LMO7: variants seen among roughly 807,000 people sequenced by gnomAD.
The protein encoded by LMO7 is LIM domain only protein 7.
LMO7 carries 120 observed loss-of-function variants against 206.5 expected under a neutral mutation model. The ratio of observed to expected loss-of-function variants is 0.58; its 90% CI spans 0.50 to 0.68. LMO7 has a LOEUF of 0.68. Ranked by LOEUF, LMO7 falls within the 30% of genes least tolerant of loss-of-function variation. LMO7 has a pLI of 0.00. For synonymous variants in LMO7, 706 were observed against 681.5 expected, an observed-to-expected ratio of 1.04 and a Z score of -0.56; for missense variants, 1,959 against 1,957.9, an observed-to-expected ratio of 1.00 and a Z score of -0.01.
intron 4 of LMO7, among the ~76,000 whole-genome samples, chr13:75,793,759 A>T (rs977833701): frequency 6.6e-6 from 1 of 152,222 alleles, no homozygotes; most frequent in Non-Finnish European, 1.5e-5. Context: ...CTGAGTAGCC[A>T]GCTTCCAGAT....
intron 2 of LMO7, among the ~76,000 whole-genome samples, chr13:75,628,897 A>T (rs989325474): frequency 6.6e-6 from 1 of 152,226 alleles, no homozygotes; most frequent in Non-Finnish European, 1.5e-5. Context: ...TGCTGCAAGA[A>T]ACTTGGGCCT....
intron 1 of LMO7, among the ~76,000 whole-genome samples, chr13:75,685,051 T>C (rs2040860620): frequency 6.6e-6 from 1 of 152,234 alleles, no homozygotes; most frequent in East Asian, 1.9e-4. Context: ...TAAATTATTT[T>C]GTGAAAGCAG....
In LMO7 at chr13:75,663,430, TTC is replaced by T. The variant is rs201152375; in HGVS notation, c.69+26706_69+26707del. On this transcript the variant is annotated intron_variant, in intron 1 of 30. Coordinates refer to ENST00000377534, the MANE Select transcript of LMO7 (RefSeq NM_001306080.2). Reference sequence around the variant, plus strand: ...CTTTTTTCTTTCTTTCTTTCTTTCTTTCTTTTTTTTTTTTTTTTGAGACGGAG... The same window carrying T: ...CTTTTTTCTTTCTTTCTTTCTTTCTTTTTTTTTTTTTTTTTTGAGACGGAG... Among the ~76,000 whole-genome samples the T allele has an allele frequency of 5.2e-4, 47 of 90,094 alleles. 1 individual carries two copies. Among genetic ancestry groups the T allele is most frequent in the East Asian group, 2.4e-3 (7 of 2,912 alleles). 59.1% of individuals were successfully genotyped at this position (90,094 alleles called of 152,430 possible). A position where few individuals can be genotyped will look rare whatever the true frequency, so the allele number is the denominator to read the frequency against.
At chr13:75,785,028 G>T (rs1463719717) in intron 4 of LMO7, among the ~76,000 whole-genome samples, 1 of 152,074 alleles carries the variant, frequency 6.6e-6, no homozygotes, top group Non-Finnish European at 1.5e-5. Context: ...GTAGTGTGTT[G>T]TATATACAGG....
At chr13:75,801,405 T>C (rs2054715158) in intron 7 of LMO7, among the ~76,000 whole-genome samples, 1 of 152,220 alleles carries the variant, frequency 6.6e-6, no homozygotes, top group Admixed American at 6.5e-5. Context: ...TGTTAAACTT[T>C]GTAGATTGAG....
At chr13:75,796,331 A>G (rs1197066364) in intron 5 of LMO7, among the ~76,000 whole-genome samples, 1 of 152,206 alleles carries the variant, frequency 6.6e-6, no homozygotes, top group African/African-American at 2.4e-5. Context: ...TGATTGCTTT[A>G]AAAGTTTCAT....
chr13:75,692,116 C>T (rs989661962), intron 1 of LMO7, among the ~76,000 whole-genome samples: 1 of 152,214 alleles, frequency 6.6e-6, no homozygotes. Flanking sequence ...GTAGTCTGCA[C>T]AAGCTGATAC....
At chr13:75,840,625 A>G (rs1054470349) in intron 22 of LMO7, 130 bp downstream of exon 22, 2 of 1,102,290 alleles carry the variant, frequency 1.8e-6, no homozygotes, top group South Asian at 1.6e-5. Flanking sequence ...TTTTGCACAC[A>G]GTACATTTTC....
intron 6 of LMO7, 109 bp downstream of exon 6, chr13:75,796,858 C>T: frequency 2.9e-6 from 2 of 693,572 alleles, no homozygotes; most frequent in Non-Finnish European, 5.0e-6. Context: ...AATATGGCAA[C>T]TCCGACTCTC....
Position 75,849,166 on chromosome 13 carries a change from T to C in LMO7, c.4238T>C (p.Leu1413Ser). ...KKEQVPSGAE[L>S]ERQQILQEMR... ...GAACAAGTACCATCAGGAGCAGAATTGGAGAGGCAACAAATCCTTCAGGAA... is the reference window on the plus strand; with the variant it reads ...GAACAAGTACCATCAGGAGCAGAATCGGAGAGGCAACAAATCCTTCAGGAA... The change falls in exon 27 of 31, where the codon TTG becomes TCG. Residue 1413 changes from leucine to serine, a missense_variant. Transcript: ENST00000377534. The C allele has an allele frequency of 6.2e-7, 1 of 1,613,912 alleles. No homozygotes were observed. The highest frequency in any genetic ancestry group is 8.5e-7 in the Non-Finnish European group (1 of 1,179,796).
intron 3 of LMO7, among the ~76,000 whole-genome samples, chr13:75,735,145 G>A (rs914809558): frequency 1.3e-5 from 2 of 148,506 alleles, no homozygotes; most frequent in African/African-American, 5.0e-5. Flanking sequence ...GTGTGTGTAT[G>A]TATGTACATA....
chr13:75,839,727 C>CT (rs35308084), intron 20 of LMO7: 7,129 of 145,522 alleles, frequency 0.049, 177 homozygotes, highest in Middle Eastern at 0.054. Context: ...ATTTGAAATT[C>CT]TTTTTTTTTT....
At chr13:75,623,194 A>G (rs2033554176) in intron 1 of LMO7, 9 of 736,764 alleles carry the variant, frequency 1.2e-5, no homozygotes, top group Non-Finnish European at 2.1e-5. Context: ...TTGTTGCTCA[A>G]TAAATATTTG....
At chr13:75,746,199 TG>T (rs1348710410) in intron 3 of LMO7, among the ~76,000 whole-genome samples, 1 of 151,966 alleles carries the variant, frequency 6.6e-6, no homozygotes, top group Non-Finnish European at 1.5e-5. Context: ...AGAAGGTTGG[TG>T]GGGGTAGGGG....
chr13:75,749,866 G>T (rs2047135229), intron 3 of LMO7, among the ~76,000 whole-genome samples: 1 of 151,364 alleles, frequency 6.6e-6, no homozygotes, highest in Admixed American at 6.6e-5. Flanking sequence ...GTTCCCCAAG[G>T]AAAAATTTTA....
intron 2 of LMO7, among the ~76,000 whole-genome samples, chr13:75,722,857 G>A (rs1327425074): frequency 6.6e-6 from 1 of 152,122 alleles, no homozygotes; most frequent in Admixed American, 6.6e-5. Flanking sequence ...GGAACGAAAT[G>A]GCATTTGCAG....
rs538823757 is a variant in LMO7 at position 75,685,491 on chromosome 13, T to C, written c.70-27691T>C. On this transcript the variant is annotated intron_variant, in intron 1 of 30. Coordinates refer to ENST00000377534, the MANE Select transcript of LMO7 (RefSeq NM_001306080.2). Reference sequence around the variant, plus strand: ...GGCAATGCATTTTAATCTTCTCATCTGCCCATCCTAAGCAGCCTCCAGGCC... The same window carrying C: ...GGCAATGCATTTTAATCTTCTCATCCGCCCATCCTAAGCAGCCTCCAGGCC... 2.0e-5 allele frequency among the ~76,000 whole-genome samples: 3 copies of C among 152,360 alleles called. No homozygotes were observed. In the East Asian group the frequency reaches 5.8e-4, roughly 29 times the overall value.
At position 75,710,705 on chromosome 13, in the gene LMO7, T is replaced by C. The variant is rs553577086; in HGVS notation, c.70-2477T>C. 2.5e-3 allele frequency among the ~76,000 whole-genome samples: 386 copies of C among 151,460 alleles called. 2 individuals carry two copies. The highest frequency in any genetic ancestry group is 0.021 in the East Asian group (110 of 5,162). ...AGCTTAAGGAGATTTTGGGCTGAGATGATGGGGTTTTCTAGATATACAATC... is the reference window on the plus strand; with the variant it reads ...AGCTTAAGGAGATTTTGGGCTGAGACGATGGGGTTTTCTAGATATACAATC... On this transcript the variant is annotated intron_variant, in intron 1 of 30. Transcript: ENST00000377534.
intron 1 of LMO7, among the ~76,000 whole-genome samples, chr13:75,698,361 G>A (rs894003290): frequency 3.3e-5 from 5 of 152,052 alleles, no homozygotes; most frequent in African/African-American, 1.2e-4. Context: ...GAGTGCAGTG[G>A]CAGGATCATA....
Sources: gnomAD v4.1 joint callset for allele counts (sites outside exome capture counted in the v4.1 genomes callset) on GRCh38, gnomAD v4.1.1 for gene constraint, MANE v1.5 for transcripts, NCBI Gene and HGNC (gene_info 2026-07-23, HGNC 2026-07-21) for gene names.